Variants in COMMD10 observed in about 807,000 individuals in gnomAD.
COMMD10 encodes COMM domain containing 10.
COMMD10 carries 33 observed loss-of-function variants against 28.9 expected under a neutral mutation model. That is an observed-to-expected ratio of 1.14 (90% CI 0.87 to 1.53). The LOEUF is 1.53. Among genes scored for constraint, COMMD10 ranks in the 40% most tolerant of loss-of-function variants. The probability of loss-of-function intolerance (pLI) is 0.00; values close to 1 mark genes in which losing one functional copy is unlikely to be tolerated. For synonymous variants in COMMD10, 110 were observed against 81.7 expected, an observed-to-expected ratio of 1.35 and a Z score of -1.87; for missense variants, 310 against 233.4, an observed-to-expected ratio of 1.33 and a Z score of -2.14.
chr5:116,170,540 C>G (rs1424744458), intron 5 of COMMD10, among the ~76,000 whole-genome samples: 1 of 152,084 alleles, frequency 6.6e-6, no homozygotes, highest in Non-Finnish European at 1.5e-5. Flanking sequence ...CAATCCTAAG[C>G]AAAAAGAACA....
chr5:116,237,407 A>G (rs1412917520), intron 5 of COMMD10, among the ~76,000 whole-genome samples: 1 of 152,188 alleles, frequency 6.6e-6, no homozygotes, highest in African/African-American at 2.4e-5. Context: ...CAGATGTAAC[A>G]TTGCAGTTTT....
chr5:116,104,569 T>C (rs1057203031), intron 4 of COMMD10, among the ~76,000 whole-genome samples: 1 of 152,222 alleles, frequency 6.6e-6, no homozygotes, highest in African/African-American at 2.4e-5. Context: ...GTTTTCTAAA[T>C]ATACAATCAT....
chr5:116,151,178 T>G (rs1380794288), intron 5 of COMMD10, among the ~76,000 whole-genome samples: 1 of 151,964 alleles, frequency 6.6e-6, no homozygotes, highest in African/African-American at 2.4e-5. Flanking sequence ...TTTGCGTATA[T>G]TGAACCAGCC....
rs1262321612 is a variant in COMMD10 at position 116,251,286 on chromosome 5, A to ATTTTT, written c.511-40228_511-40227insTTTTT. ...TTTCTTTTTATTTATTTATTTATTT[A>ATTTTT]TTTATTTATTTATTTATTATTATAC... On this transcript the variant is annotated intron_variant, in intron 5 of 6. Coordinates refer to ENST00000274458, the MANE Select transcript of COMMD10 (RefSeq NM_016144.4). 3.7e-4 allele frequency among the ~76,000 whole-genome samples: 48 copies of ATTTTT among 128,742 alleles called. No homozygotes were observed. The East Asian group carries it at 3.8e-3, about 10-fold the overall frequency. 84.5% of individuals were successfully genotyped at this position (128,742 alleles called of 152,430 possible).
rs184269266 is a variant in COMMD10, at chr5:116,287,899, A to G, written c.511-3618A>G. ...GATGTTACAAATTACATTTCTATATATTACATGTACATTAATATAGATTTA... is the reference window on the plus strand; with the variant it reads ...GATGTTACAAATTACATTTCTATATGTTACATGTACATTAATATAGATTTA... On this transcript the variant is annotated intron_variant, in intron 5 of 6. Coordinates refer to ENST00000274458, the MANE Select transcript of COMMD10 (RefSeq NM_016144.4). Among the ~76,000 whole-genome samples the G allele has an allele frequency of 2.6e-3, 392 of 151,880 alleles. 1 individual carries two copies. Among genetic ancestry groups the G allele is most frequent in the Non-Finnish European group, 4.4e-3 (299 of 67,952 alleles).
intron 5 of COMMD10, among the ~76,000 whole-genome samples, chr5:116,196,580 A>G (rs1297561056): frequency 6.6e-6 from 1 of 151,748 alleles, no homozygotes; most frequent in Non-Finnish European, 1.5e-5. Flanking sequence ...TTATTATCAC[A>G]TGATATTAAA....
At chr5:116,245,828 G>GAAC (rs1165167943) in intron 5 of COMMD10, among the ~76,000 whole-genome samples, 1 of 152,048 alleles carries the variant, frequency 6.6e-6, no homozygotes, top group African/African-American at 2.4e-5. Flanking sequence ...GGTATTGAAG[G>GAAC]AACATACTTC....
At chr5:116,132,302 G>C (rs1393004169) in intron 4 of COMMD10, among the ~76,000 whole-genome samples, 1 of 152,128 alleles carries the variant, frequency 6.6e-6, no homozygotes, top group Non-Finnish European at 1.5e-5. Flanking sequence ...CAGAAAAGTA[G>C]GTAGTTCAGA....
chr5:116,243,726 A>C (rs1468195482), intron 5 of COMMD10, among the ~76,000 whole-genome samples: 2 of 152,116 alleles, frequency 1.3e-5, no homozygotes, highest in African/African-American at 4.8e-5. Flanking sequence ...AACACCTACC[A>C]CCAGTAGTAT....
intron 5 of COMMD10, among the ~76,000 whole-genome samples, chr5:116,229,694 G>C (rs1749480193): frequency 6.6e-6 from 1 of 151,992 alleles, no homozygotes; most frequent in Non-Finnish European, 1.5e-5. Flanking sequence ...GTATATAATT[G>C]AGTGTACAGT....
chr5:116,121,721 C>T (rs894453600), intron 4 of COMMD10, among the ~76,000 whole-genome samples: 29 of 152,350 alleles, frequency 1.9e-4, no homozygotes, highest in African/African-American at 6.5e-4. Flanking sequence ...TTTGCATTCT[C>T]TGATGGCCAG....
At chr5:116,259,252 A>G (rs1283473227) in intron 5 of COMMD10, among the ~76,000 whole-genome samples, 4 of 150,954 alleles carry the variant, frequency 2.6e-5, no homozygotes, top group African/African-American at 9.8e-5. Flanking sequence ...TAGTACAGAC[A>G]GGATCTCACC....
At chr5:116,126,569 A>G (rs1429314292) in intron 4 of COMMD10, among the ~76,000 whole-genome samples, 2 of 151,762 alleles carry the variant, frequency 1.3e-5, no homozygotes, top group Admixed American at 1.3e-4. Context: ...ACTGGTACCA[A>G]AACAGAGATA....
In COMMD10 at chr5:116,087,550, G is replaced by C; in HGVS notation, c.95G>C (p.Arg32Pro). The C allele has an allele frequency of 6.2e-7, 1 of 1,612,660 alleles. No individual in the cohort carries two copies. Among genetic ancestry groups the C allele is most frequent in the Admixed American group, 1.7e-5 (1 of 60,028 alleles). The change falls in exon 2 of 7, where the codon CGG becomes CCG. Residue 32 changes from arginine to proline, a missense_variant. Physicochemically the swap from Arg to Pro is moderately radical, Grantham distance 103 (BLOSUM62 -2). Coordinates refer to ENST00000274458, the MANE Select transcript of COMMD10 (RefSeq NM_016144.4). ...INAIDTGRFP[R>P]LLTRILQKLH... ...GCAATAGATACAGGAAGATTTCCAC[G>C]GTTGCTCACTCGGATTCTTCAAAAA...
intron 5 of COMMD10, among the ~76,000 whole-genome samples, chr5:116,290,176 C>T (rs888291828): frequency 6.6e-6 from 1 of 151,630 alleles, no homozygotes; most frequent in Non-Finnish European, 1.5e-5. Context: ...TAGGGTAAAC[C>T]TAGGCTTATC....
At chr5:116,203,417 C>G (rs1580545411) in intron 5 of COMMD10, among the ~76,000 whole-genome samples, 1 of 152,104 alleles carries the variant, frequency 6.6e-6, no homozygotes, top group East Asian at 1.9e-4. Flanking sequence ...TTGAGAAGAG[C>G]AACTCCGAGA....
intron 5 of COMMD10, among the ~76,000 whole-genome samples, chr5:116,255,352 T>C (rs952544615): frequency 4.0e-5 from 6 of 151,696 alleles, no homozygotes; most frequent in East Asian, 1.9e-4. Flanking sequence ...TGATGTTAGC[T>C]GGTTATTTTG....
At chr5:116,210,225 A>G (rs932381152) in intron 5 of COMMD10, among the ~76,000 whole-genome samples, 2 of 152,198 alleles carry the variant, frequency 1.3e-5, no homozygotes, top group African/African-American at 4.8e-5. Context: ...TGCAATGGCA[A>G]TTAAATTTCA....
chr5:116,259,392 C>G (rs1334408280), intron 5 of COMMD10, among the ~76,000 whole-genome samples: 1 of 149,244 alleles, frequency 6.7e-6, no homozygotes, highest in Non-Finnish European at 1.5e-5. Context: ...TTTTTTTTGT[C>G]TGTGTGCTAT....
Sources: gnomAD v4.1 joint callset for allele counts (sites outside exome capture counted in the v4.1 genomes callset) on GRCh38, gnomAD v4.1.1 for gene constraint, MANE v1.5 for transcripts, NCBI Gene and HGNC (gene_info 2026-07-23, HGNC 2026-07-21) for gene names.